COL22A1: variants seen among roughly 807,000 people sequenced by gnomAD.
COL22A1 encodes collagen type XXII alpha 1 chain.
A neutral mutation model predicts 248.9 loss-of-function variants in COL22A1; 221 were observed. The ratio of observed to expected loss-of-function variants is 0.89; its 90% CI spans 0.80 to 0.99. COL22A1 has a LOEUF of 0.99. Among genes scored for constraint, COL22A1 ranks in the 50% least tolerant of loss-of-function variants. The pLI is 0.00. For synonymous variants in COL22A1, 891 were observed against 793.4 expected (o/e 1.12, Z -2.07); for missense variants, 2,240 against 2,179.0 (o/e 1.03, Z -0.56).
intron 59 of COL22A1, 132 bp from the exon 60 acceptor site, chr8:138,602,291 C>A: frequency 1.1e-6 from 1 of 915,612 alleles, no homozygotes; most frequent in Non-Finnish European, 1.7e-6. Context: ...CCCGAGGGCT[C>A]CTTTCTGATT....
chr8:138,891,580 G>A (rs1198132145), intron 1 of COL22A1, among the ~76,000 whole-genome samples: 2 of 152,158 alleles, frequency 1.3e-5, no homozygotes, highest in Non-Finnish European at 2.9e-5. Flanking sequence ...ATTGTACAGA[G>A]TAAGAAACTG....
In COL22A1 at chr8:138,686,029, C is replaced by T. The variant is rs528401760; in HGVS notation, c.2863-717G>A. On this transcript the variant is annotated intron_variant, in intron 37 of 64. Transcript: ENST00000303045. ...TCACTACCACTCCACACTGGGCATT[C>T]CTTTGTCAGGTAGCTCTGTTATGCA... 5.1e-4 allele frequency among the ~76,000 whole-genome samples: 78 copies of T among 152,262 alleles called. 1 individual carries two copies. The highest frequency in any genetic ancestry group is 1.9e-3 in the African/African-American group (78 of 41,570).
At chr8:138,870,873 CTG>C (rs889519751) in intron 3 of COL22A1, among the ~76,000 whole-genome samples, 1 of 150,558 alleles carries the variant, frequency 6.6e-6, no homozygotes, top group African/African-American at 2.4e-5. Context: ...TGAGGGGTGT[CTG>C]TGTGCATGTG....
At position 138,845,041 on chromosome 8, in the gene COL22A1, C is replaced by T. The variant is rs533953391; in HGVS notation, c.659-883G>A. On this transcript the variant is annotated intron_variant, in intron 3 of 64. Coordinates refer to ENST00000303045, the MANE Select transcript of COL22A1 (RefSeq NM_152888.3). ...ATGAAATGGAAATTGTGTGCAGGGA[C>T]GGACCAGAAAGATGTTCCATAAGTC... is the stretch of plus-strand genomic sequence containing the variant. Among the ~76,000 whole-genome samples the T allele has an allele frequency of 7.3e-5, 11 of 151,634 alleles. No homozygotes were observed. In the East Asian group the frequency reaches 7.8e-4, roughly 11 times the overall value.
At chr8:138,827,876 G>A (rs1279587228) in intron 5 of COL22A1, among the ~76,000 whole-genome samples, 3 of 151,556 alleles carry the variant, frequency 2.0e-5, no homozygotes, top group Non-Finnish European at 4.4e-5. Context: ...CCACCAACAT[G>A]CAGCCTCTCC....
intron 4 of COL22A1, among the ~76,000 whole-genome samples, chr8:138,836,865 T>C (rs1387876135): frequency 6.6e-6 from 1 of 151,926 alleles, no homozygotes; most frequent in African/African-American, 2.4e-5. Context: ...GAGATGGGAG[T>C]TAACAGAACA....
intron 12 of COL22A1, among the ~76,000 whole-genome samples, chr8:138,791,245 C>T (rs558765916): frequency 2.9e-4 from 44 of 152,294 alleles, no homozygotes; most frequent in Middle Eastern, 6.8e-3. Flanking sequence ...AAGCAGGATG[C>T]TGGGCGTGCA....
intron 22 of COL22A1, among the ~76,000 whole-genome samples, chr8:138,740,715 A>T (rs1413147143): frequency 3.3e-5 from 5 of 152,232 alleles, no homozygotes; most frequent in Non-Finnish European, 5.9e-5. Flanking sequence ...GGTTTTCAGC[A>T]AGGAGAAAGA....
At chr8:138,598,049 T>G (rs1471398183) in intron 61 of COL22A1, among the ~76,000 whole-genome samples, 5 of 152,234 alleles carry the variant, frequency 3.3e-5, no homozygotes, top group Admixed American at 3.3e-4. Context: ...TATGGGCTGT[T>G]GAGCCGGAAG....
intron 58 of COL22A1, 113 bp downstream of exon 58, chr8:138,606,268 C>G (rs981646008): frequency 2.0e-6 from 2 of 984,712 alleles, no homozygotes; most frequent in Non-Finnish European, 3.1e-6. Context: ...CACAGGTCAT[C>G]ATGGCCTGAG....
Position 138,589,170 on chromosome 8 carries a change from T to C in COL22A1, c.*83A>G. ...AAAAAAAAGGAACACATGGCTGAAG[T>C]CTTTCAAGACCTCTGGCTTCCCACT... is the stretch of plus-strand genomic sequence containing the variant. On this transcript the variant is annotated 3_prime_UTR_variant, in exon 65 of 65. Coordinates refer to ENST00000303045, the MANE Select transcript of COL22A1 (RefSeq NM_152888.3). 1.5e-6 allele frequency: 2 copies of C among 1,291,592 alleles called. No homozygotes were observed. Among genetic ancestry groups the C allele is most frequent in the East Asian group, 2.5e-5 (1 of 39,892 alleles). 80.0% of individuals were successfully genotyped at this position (1,291,592 alleles called of 1,614,324 possible).
chr8:138,663,820 A>C, intron 41 of COL22A1, 80 bp from the exon 42 acceptor site: 1 of 1,116,634 alleles, frequency 9.0e-7, no homozygotes, highest in African/African-American at 1.5e-5. Flanking sequence ...TATTCCATAG[A>C]CAGGTCCTCA....
At chr8:138,805,583 G>C (rs1817494118) in intron 10 of COL22A1, among the ~76,000 whole-genome samples, 1 of 148,302 alleles carries the variant, frequency 6.7e-6, no homozygotes, top group African/African-American at 2.5e-5. Flanking sequence ...GTCTATGTGT[G>C]ATGGTATGTG....
chr8:138,682,926 C>A (rs1026121248), intron 39 of COL22A1, among the ~76,000 whole-genome samples: 2 of 152,188 alleles, frequency 1.3e-5, no homozygotes, highest in South Asian at 4.1e-4. Flanking sequence ...GTGTTGAACT[C>A]CTGGCCTCAT....
At chr8:138,812,386 G>A (rs994522574) in intron 8 of COL22A1, among the ~76,000 whole-genome samples, 12 of 152,304 alleles carry the variant, frequency 7.9e-5, no homozygotes, top group South Asian at 2.1e-4. Context: ...CCTGCAGCCC[G>A]GGAAGCAGGC....
At chr8:138,665,426 C>G (rs1824415644) in intron 41 of COL22A1, among the ~76,000 whole-genome samples, 1 of 152,224 alleles carries the variant, frequency 6.6e-6, no homozygotes, top group African/African-American at 2.4e-5. Context: ...GTCAAGGAAG[C>G]TCACCCATCT....
Position 138,755,229 on chromosome 8 carries a change from C to G in COL22A1, c.1978-19G>C. The G allele has an allele frequency of 6.2e-7, 1 of 1,613,324 alleles. No individual in the cohort carries two copies. Among genetic ancestry groups the G allele is most frequent in the Non-Finnish European group, 8.5e-7 (1 of 1,179,356 alleles). ...GAGCTCCCTGGTAACACAAGCCAAA[C>G]AGATGTTTAGTCATGACTTTTCCCC... On this transcript the variant is annotated intron_variant, in intron 20 of 64. Transcript: ENST00000303045.
intron 61 of COL22A1, among the ~76,000 whole-genome samples, chr8:138,597,463 C>T (rs1353362921): frequency 6.6e-6 from 1 of 152,208 alleles, no homozygotes; most frequent in Non-Finnish European, 1.5e-5. Flanking sequence ...CTTAGGTCCA[C>T]TGTGGCTCTA....
chr8:138,783,216 T>C (rs1452045167), intron 12 of COL22A1, among the ~76,000 whole-genome samples: 1 of 152,136 alleles, frequency 6.6e-6, no homozygotes, highest in Non-Finnish European at 1.5e-5. Context: ...CCTTACTCTC[T>C]GAATCTCAGT....
Sources: gnomAD v4.1 joint callset for allele counts (sites outside exome capture counted in the v4.1 genomes callset) on GRCh38, gnomAD v4.1.1 for gene constraint, MANE v1.5 for transcripts, NCBI Gene and HGNC (gene_info 2026-07-23, HGNC 2026-07-21) for gene names.